ATR: variants seen among roughly 807,000 people sequenced by gnomAD.
The protein encoded by ATR is ATR checkpoint kinase, also known as serine/threonine-protein kinase ATR.
Under a neutral mutation model 305.3 loss-of-function variants are expected in ATR, and 142 were observed. The ratio of observed to expected loss-of-function variants is 0.47; its 90% CI spans 0.41 to 0.53. The LOEUF (loss-of-function observed/expected upper bound fraction) is 0.53, where lower values mean the gene tolerates loss of function less well. Ranked by LOEUF, ATR falls within the 20% of genes least tolerant of loss-of-function variation. The pLI, the probability that ATR is intolerant of heterozygous loss-of-function variation, is 0.00. For missense variants in ATR, 2,135 were observed against 3,133.1 expected, an observed-to-expected ratio of 0.68 and a Z score of 7.60; for synonymous variants, 1,050 against 1,068.1, an observed-to-expected ratio of 0.98 and a Z score of 0.33.
chr3:142,450,552 C>G, intron 46 of ATR: 1 of 1,607,248 alleles, frequency 6.2e-7, no homozygotes, highest in Non-Finnish European at 8.5e-7. Flanking sequence ...GGGAAGTACC[C>G]TTTGAAGCAC....
In ATR at chr3:142,485,174, C is replaced by T. The variant is rs755377625; in HGVS notation, c.6187G>A (p.Asp2063Asn). ...VTDNKMEKQGDLIRYIVLHFG... is the reference protein window; with the variant it reads ...VTDNKMEKQGNLIRYIVLHFG... ...TGAAGAACTATATACCGGATGAGAT[C>T]ACCTTGCTTTTCCATTTTGTTGTCT... The change falls in exon 36 of 47, where the codon GAT (aspartate) becomes AAT (asparagine). Residue 2063 changes from aspartate to asparagine, a missense_variant. Asp to Asn is a conservative substitution (Grantham distance 23). Coordinates refer to ENST00000350721, the MANE Select transcript of ATR (RefSeq NM_001184.4). 2 of 1,614,168 alleles carry T rather than the reference C, an allele frequency of 1.2e-6. No individual in the cohort carries two copies. Among genetic ancestry groups the T allele is most frequent in the Non-Finnish European group, 1.7e-6 (2 of 1,180,036 alleles).
chr3:142,468,720 T>A (rs1022602540), intron 38 of ATR, among the ~76,000 whole-genome samples: 1 of 152,180 alleles, frequency 6.6e-6, no homozygotes, highest in Non-Finnish European at 1.5e-5. Context: ...CGGGGCACGA[T>A]AGCTCATGCC....
chr3:142,536,006 T>G, intron 20 of ATR, 102 bp downstream of exon 20: 1 of 829,874 alleles, frequency 1.2e-6, no homozygotes, highest in Non-Finnish European at 2.1e-6. Context: ...AGGACTATAT[T>G]ATCCCTAGAT....
At chr3:142,514,823 A>G (rs1374895097) in intron 25 of ATR, among the ~76,000 whole-genome samples, 1 of 151,476 alleles carries the variant, frequency 6.6e-6, no homozygotes, top group Non-Finnish European at 1.5e-5. Flanking sequence ...AAAAAAAAAA[A>G]AAAAAGAAAG....
intron 35 of ATR, among the ~76,000 whole-genome samples, chr3:142,489,680 A>T (rs896857205): frequency 6.6e-6 from 1 of 152,136 alleles, no homozygotes; most frequent in Non-Finnish European, 1.5e-5. Context: ...CCATTATACA[A>T]CTGTACCAGT....
chr3:142,454,922 G>A (rs2070872879), intron 45 of ATR, among the ~76,000 whole-genome samples: 1 of 152,004 alleles, frequency 6.6e-6, no homozygotes, highest in African/African-American at 2.4e-5. Context: ...ATTTAGTTAG[G>A]GCAAGTAGGC....
chr3:142,554,050 A>G (rs774624958), intron 10 of ATR, 35 bp from the exon 11 acceptor site: 4 of 1,513,996 alleles, frequency 2.6e-6, no homozygotes, highest in Middle Eastern at 4.7e-4. Context: ...CTAATTTAAC[A>G]TATTAAATGT....
At chr3:142,475,290 T>A (rs1455831146) in intron 36 of ATR, among the ~76,000 whole-genome samples, 1 of 152,012 alleles carries the variant, frequency 6.6e-6, no homozygotes, top group African/African-American at 2.4e-5. Flanking sequence ...GATGTTCCCC[T>A]TCCTGTGTCC....
intron 1 of ATR, among the ~76,000 whole-genome samples, chr3:142,570,724 G>C (rs776402969): frequency 1.3e-5 from 2 of 152,162 alleles, no homozygotes; most frequent in African/African-American, 4.8e-5. Flanking sequence ...CATAGTTTTA[G>C]TTCTTATGTT....
intron 8 of ATR, 100 bp from the exon 9 acceptor site, chr3:142,556,675 T>A: frequency 1.2e-5 from 13 of 1,107,322 alleles, no homozygotes; most frequent in East Asian, 2.6e-5. Flanking sequence ...TGTATACATA[T>A]ATATAAATAA....
intron 36 of ATR, among the ~76,000 whole-genome samples, chr3:142,477,566 G>A (rs1159783071): frequency 6.6e-6 from 1 of 152,076 alleles, no homozygotes; most frequent in Non-Finnish European, 1.5e-5. Flanking sequence ...TTTTTGTTGT[G>A]TCTCTGCCAG....
chr3:142,507,816 TA>T, intron 28 of ATR, 114 bp downstream of exon 28: 1 of 999,364 alleles, frequency 1.0e-6, no homozygotes, highest in Non-Finnish European at 1.5e-6. Context: ...CTCTCCCCAC[TA>T]ATCTATAAGC....
intron 1 of ATR, among the ~76,000 whole-genome samples, chr3:142,574,881 G>C (rs1057427552): frequency 6.6e-6 from 1 of 152,206 alleles, no homozygotes; most frequent in Admixed American, 6.5e-5. Flanking sequence ...ACTGGAAACT[G>C]TAAGAGGCTC....
At chr3:142,519,118 T>TA in intron 24 of ATR, among the ~76,000 whole-genome samples, 1 of 152,106 alleles carries the variant, frequency 6.6e-6, no homozygotes. Context: ...ATTGAACTTT[T>TA]AAAAAAATCA....
chr3:142,535,737 A>C (rs1344382892), intron 20 of ATR, among the ~76,000 whole-genome samples: 1 of 152,166 alleles, frequency 6.6e-6, no homozygotes, highest in Non-Finnish European at 1.5e-5. Context: ...TTTCTATATC[A>C]TGGTTTGTAG....
intron 38 of ATR, among the ~76,000 whole-genome samples, chr3:142,469,118 G>C (rs1297771687): frequency 6.6e-6 from 1 of 152,102 alleles, no homozygotes; most frequent in Non-Finnish European, 1.5e-5. Flanking sequence ...TGAATTATTT[G>C]ATCTTAAACA....
intron 13 of ATR, among the ~76,000 whole-genome samples, chr3:142,552,669 C>CAAA (rs143475912): frequency 2.1e-4 from 20 of 93,240 alleles, no homozygotes; most frequent in African/African-American, 5.0e-4. Context: ...TACTCCATCT[C>CAAA]AAAAAAAAAA....
intron 42 of ATR, among the ~76,000 whole-genome samples, chr3:142,460,691 A>T (rs2071007025): frequency 6.6e-6 from 1 of 152,194 alleles, no homozygotes; most frequent in Non-Finnish European, 1.5e-5. Context: ...AATACCATAC[A>T]AATTATGTAT....
At chr3:142,499,086 G>A in intron 31 of ATR, 1 of 386,388 alleles carries the variant, frequency 2.6e-6, no homozygotes. Context: ...TCAGTATTTT[G>A]CCCAGACTGG....
Sources: gnomAD v4.1 joint callset for allele counts (sites outside exome capture counted in the v4.1 genomes callset) on GRCh38, gnomAD v4.1.1 for gene constraint, MANE v1.5 for transcripts, NCBI Gene and HGNC (gene_info 2026-07-23, HGNC 2026-07-21) for gene names.